Variants in NTRK1 observed in about 807,000 individuals in gnomAD.
NTRK1 encodes high affinity nerve growth factor receptor.
A neutral mutation model predicts 86.8 loss-of-function variants in NTRK1; 62 were observed. The ratio of observed to expected loss-of-function variants is 0.71; its 90% CI spans 0.58 to 0.88. NTRK1 has a LOEUF of 0.88. Among genes scored for constraint, NTRK1 ranks in the 40% least tolerant of loss-of-function variants. The pLI is 0.00. For synonymous variants in NTRK1, 469 were observed against 456.6 expected (o/e 1.03, Z -0.35); for missense variants, 967 against 1,078.4 (o/e 0.90, Z 1.45).
intron 1 of NTRK1, among the ~76,000 whole-genome samples, chr1:156,827,516 C>T (rs1014234701): frequency 1.3e-5 from 2 of 152,126 alleles, no homozygotes; most frequent in Admixed American, 1.3e-4. Flanking sequence ...TACACCTCGG[C>T]CTCCCCAAAT....
chr1:156,844,850 G>T, intron 2 of NTRK1: 1 of 1,613,882 alleles, frequency 6.2e-7, no homozygotes, highest in Non-Finnish European at 8.5e-7. Context: ...TCTCCTGCGG[G>T]AAGGGGCATC....
At chr1:156,850,531 ATTCTTTTT>A (rs1655168770) in intron 2 of NTRK1, among the ~76,000 whole-genome samples, 6 of 97,022 alleles carry the variant, frequency 6.2e-5, no homozygotes, top group African/African-American at 1.9e-4. Flanking sequence ...AATTTAAAAC[ATTCTTTTT>A]TTTTTTTTTT....
intron 1 of NTRK1, among the ~76,000 whole-genome samples, chr1:156,819,570 G>C (rs1313882231): frequency 6.6e-6 from 1 of 151,188 alleles, no homozygotes; most frequent in Non-Finnish European, 1.5e-5. Context: ...GCCCATGCTG[G>C]AGTGCAATGG....
chr1:156,871,099 G>T (rs954104175), intron 6 of NTRK1, among the ~76,000 whole-genome samples: 4 of 152,252 alleles, frequency 2.6e-5, no homozygotes, highest in Middle Eastern at 3.2e-3. Flanking sequence ...TGAATAGGCA[G>T]TGAGGTCCTA....
chr1:156,860,108 C>A (rs1316150714), upstream of NTRK1, among the ~76,000 whole-genome samples: 1 of 152,276 alleles, frequency 6.6e-6, no homozygotes, highest in Non-Finnish European at 1.5e-5. Context: ...CCCTGCCCTG[C>A]CTTGCCCTAT....
At chr1:156,844,399 G>A in intron 2 of NTRK1, 3 of 1,581,974 alleles carry the variant, frequency 1.9e-6, no homozygotes, top group Non-Finnish European at 2.6e-6. Flanking sequence ...AGGGGCCTGT[G>A]GTGGGCTGGG....
At position 156,845,379 on chromosome 1, in the gene NTRK1, G is replaced by A. The variant is rs558710768; in HGVS notation, c.50+3186G>A. 5 of 1,574,726 alleles carry A rather than the reference G, an allele frequency of 3.2e-6. No individual in the cohort carries two copies. The African/African-American group carries it at 4.0e-5, about 13-fold the overall frequency. On this transcript the variant is annotated intron_variant, in intron 2 of 16. Coordinates refer to the NTRK1 transcript ENST00000392302. ...TGCCCTAGTCCTGCTCACCTTTGGGGGCTCTTGTTGATGGACGTCACCTTC... is the reference window on the plus strand; with the variant it reads ...TGCCCTAGTCCTGCTCACCTTTGGGAGCTCTTGTTGATGGACGTCACCTTC...
chr1:156,839,738 C>G (rs960651135), intron 1 of NTRK1, among the ~76,000 whole-genome samples: 1 of 152,078 alleles, frequency 6.6e-6, no homozygotes, highest in Non-Finnish European at 1.5e-5. Flanking sequence ...CCCAGTGGAC[C>G]GATATAACGA....
chr1:156,851,249 G>A, intron 2 of NTRK1: 1 of 1,611,114 alleles, frequency 6.2e-7, no homozygotes, highest in Non-Finnish European at 8.5e-7. Context: ...GTTGGAGGAA[G>A]GAGTGTAATA....
chr1:156,845,234 A>G, intron 2 of NTRK1: 1 of 1,610,594 alleles, frequency 6.2e-7, no homozygotes, highest in Non-Finnish European at 8.5e-7. Flanking sequence ...CTGGATCTCG[A>G]AATCCGAGCT....
intron 2 of NTRK1, chr1:156,846,604 C>A (rs766081248): frequency 6.2e-7 from 1 of 1,614,174 alleles, no homozygotes; most frequent in South Asian, 1.1e-5. Context: ...TGATGGCCCG[C>A]ACAAACACTG....
chr1:156,816,805 GC>G (rs779534332), intron 1 of NTRK1: 32 of 1,179,374 alleles, frequency 2.7e-5, no homozygotes, highest in Non-Finnish European at 3.6e-5. Context: ...TCTCACCCTG[GC>G]CCCGGGGGCA....
intron 1 of NTRK1, among the ~76,000 whole-genome samples, chr1:156,820,309 C>T (rs1186513097): frequency 6.6e-6 from 1 of 152,236 alleles, no homozygotes; most frequent in South Asian, 2.1e-4. Context: ...TGCAGTGGCA[C>T]GATCTCGGCT....
At chr1:156,843,039 C>T in intron 2 of NTRK1, 1 of 1,614,062 alleles carries the variant, frequency 6.2e-7, no homozygotes, top group South Asian at 1.1e-5. Context: ...ATGACAGAAG[C>T]TTCCTTGAGG....
intron 2 of NTRK1, chr1:156,842,572 G>T: frequency 8.2e-7 from 1 of 1,215,630 alleles, no homozygotes; most frequent in East Asian, 2.4e-5. Context: ...CCAAAATTCT[G>T]ATCTGCTATG....
intron 4 of NTRK1, 50 bp from the exon 5 acceptor site, chr1:156,868,054 A>G (rs1411366586): frequency 1.2e-6 from 2 of 1,610,042 alleles, no homozygotes; most frequent in South Asian, 2.2e-5. Context: ...ATCCCCTGTG[A>G]TCCCTCAGGC....
chr1:156,840,557 G>A (rs902260530), intron 1 of NTRK1: 2 of 396,838 alleles, frequency 5.0e-6, no homozygotes, highest in Non-Finnish European at 9.4e-6. Context: ...AGGGCCTCTA[G>A]GGTGGGCGGG....
chr1:156,852,339 G>C (rs1356642975), intron 2 of NTRK1: 1 of 777,542 alleles, frequency 1.3e-6, no homozygotes. Flanking sequence ...TGCCGACTCT[G>C]TTCCCCTCCG....
intron 2 of NTRK1, chr1:156,853,914 G>T: frequency 6.2e-7 from 1 of 1,614,118 alleles, no homozygotes; most frequent in Non-Finnish European, 8.5e-7. Context: ...GGTGCTGGCT[G>T]CAGCAGTCCC....
Sources: allele counts gnomAD v4.1 joint callset (sites outside exome capture counted in the v4.1 genomes callset), GRCh38; gene constraint gnomAD v4.1.1; transcripts MANE v1.5; gene names NCBI Gene and HGNC (gene_info 2026-07-23, HGNC 2026-07-21).